Variants in IDE observed in about 807,000 individuals in gnomAD.
IDE encodes the protein insulin-degrading enzyme.
In IDE, 58 loss-of-function variants were observed where a neutral mutation model predicts 133.2. The ratio of observed to expected loss-of-function variants is 0.44; its 90% CI spans 0.35 to 0.54. The LOEUF (loss-of-function observed/expected upper bound fraction) is 0.54, where lower values mean the gene tolerates loss of function less well. Among genes scored for constraint, IDE ranks in the 20% least tolerant of loss-of-function variants. The probability of loss-of-function intolerance (pLI) is 0.00; values close to 1 mark genes in which losing one functional copy is unlikely to be tolerated. For synonymous variants in IDE, 396 were observed against 421.3 expected (o/e 0.94, Z 0.73); for missense variants, 981 against 1,234.0 (o/e 0.79, Z 3.07).
At chr10:92,461,278 T>C (rs758044157) in intron 21 of IDE, 26 bp from the exon 22 acceptor site, 1 of 1,179,052 alleles carries the variant, frequency 8.5e-7, no homozygotes, top group African/African-American at 1.5e-5. Context: ...AACAATATTT[T>C]ACTAACATTT....
chr10:92,473,755 C>T (rs180947730), intron 17 of IDE, among the ~76,000 whole-genome samples: 83 of 152,134 alleles, frequency 5.5e-4, no homozygotes, highest in African/African-American at 1.8e-3. Context: ...CCAAGGCAGG[C>T]GGATCACCGG....
chr10:92,524,544 T>TAA (rs1589474536), intron 4 of IDE, among the ~76,000 whole-genome samples: 26 of 105,684 alleles, frequency 2.5e-4, no homozygotes, highest in Admixed American at 4.9e-4. Flanking sequence ...ATATTTTATA[T>TAA]TATATATATA....
chr10:92,456,844 CAAAAAAAAAAAAAAAAA>C (rs57422406), intron 22 of IDE, among the ~76,000 whole-genome samples: 1 of 52,162 alleles, frequency 1.9e-5, no homozygotes. Context: ...GACTCTGTCT[CAAAAAAAAAAAAAAAAA>C]AAAAAAAAAA....
At chr10:92,553,353 G>A (rs769262185) in intron 1 of IDE, among the ~76,000 whole-genome samples, 1 of 151,850 alleles carries the variant, frequency 6.6e-6, no homozygotes, top group Non-Finnish European at 1.5e-5. Context: ...GAACTTGGGA[G>A]GCAGAGGTTG....
chr10:92,454,554 G>A lies in IDE; in HGVS notation c.2965-15C>T. On this transcript the variant is annotated splice_polypyrimidine_tract_variant and intron_variant, in intron 24 of 24. Transcript: ENST00000265986. ...ATCACTTCAGGCTGCAAAGAAAAAA[G>A]TTTCCTTTTAGTGTATTTAACCTAA... is the stretch of plus-strand genomic sequence containing the variant. 1 of 1,602,914 alleles carries A rather than the reference G, an allele frequency of 6.2e-7. No individual in the cohort carries two copies. Among genetic ancestry groups the A allele is most frequent in the Non-Finnish European group, 8.5e-7 (1 of 1,170,228 alleles).
intron 21 of IDE, among the ~76,000 whole-genome samples, chr10:92,461,917 G>A (rs1050853274): frequency 1.3e-5 from 2 of 151,866 alleles, no homozygotes; most frequent in African/African-American, 4.8e-5. Flanking sequence ...CTCGTGATCC[G>A]CCCGCCTCGC....
chr10:92,487,698 T>C lies in IDE; in HGVS notation c.1534-380A>G, dbSNP rs558430322. Among the ~76,000 whole-genome samples the C allele has an allele frequency of 1.2e-4, 18 of 152,318 alleles. No individual in the cohort carries two copies. The South Asian group carries it at 3.3e-3, about 28-fold the overall frequency. ...ATATATTCCCACAACTGCTAGACAA[T>C]AGGTCATTTATATAAGAGCCATACT... On this transcript the variant is annotated intron_variant, in intron 12 of 24. Transcript: ENST00000265986.
At position 92,487,144 on chromosome 10, in the gene IDE, C is replaced by T. The variant is rs1847044028; in HGVS notation, c.1656+52G>A. 3.2e-6 allele frequency: 5 copies of T among 1,541,020 alleles called. No homozygotes were observed. The South Asian group carries it at 4.8e-5, about 15-fold the overall frequency. On this transcript the variant is annotated intron_variant, in intron 13 of 24. Coordinates refer to ENST00000265986, the MANE Select transcript of IDE (RefSeq NM_004969.4). ...GTAAGAAATCATTTACCCAGTCCCC[C>T]ATGTATTAGGTCTGTCCCCCAAATT...
intron 15 of IDE, chr10:92,478,923 A>C: frequency 3.2e-6 from 1 of 313,256 alleles, no homozygotes; most frequent in Non-Finnish European, 5.1e-6. Flanking sequence ...TGCCAACCTT[A>C]GGTTTTACAA....
chr10:92,470,206 A>T (rs1190002921), intron 18 of IDE, 48 bp downstream of exon 18: 44 of 1,267,806 alleles, frequency 3.5e-5, no homozygotes, highest in Non-Finnish European at 5.0e-5. Context: ...GAGGGAAAAA[A>T]TATCTTGCAA....
chr10:92,473,566 C>G (rs1159850342), intron 17 of IDE, among the ~76,000 whole-genome samples: 1 of 151,792 alleles, frequency 6.6e-6, no homozygotes, highest in East Asian at 1.9e-4. Flanking sequence ...AAAGATGACT[C>G]TTTAGGCTTT....
At chr10:92,501,750 G>A (rs541311123) in intron 11 of IDE, among the ~76,000 whole-genome samples, 4 of 152,064 alleles carry the variant, frequency 2.6e-5, no homozygotes, top group Admixed American at 2.0e-4. Context: ...TGAGGTGGGC[G>A]GATCACCTGA....
chr10:92,563,484 G>A (rs1843377693), intron 1 of IDE, among the ~76,000 whole-genome samples: 1 of 151,884 alleles, frequency 6.6e-6, no homozygotes, highest in Admixed American at 6.6e-5. Flanking sequence ...TGGGCATGGT[G>A]GCTCAAACCT....
At chr10:92,535,832 T>A (rs971723137) in intron 2 of IDE, among the ~76,000 whole-genome samples, 2 of 152,044 alleles carry the variant, frequency 1.3e-5, no homozygotes, top group African/African-American at 4.8e-5. Flanking sequence ...GGTCGGGAGT[T>A]TGAGATCAGC....
At chr10:92,456,765 G>A (rs951988063) in intron 22 of IDE, among the ~76,000 whole-genome samples, 7 of 142,388 alleles carry the variant, frequency 4.9e-5, no homozygotes, top group Admixed American at 7.6e-5. Context: ...CCTGACACGA[G>A]GAAGCAAGTT....
At chr10:92,569,566 A>ATT (rs1843694728) in intron 1 of IDE, among the ~76,000 whole-genome samples, 1 of 152,138 alleles carries the variant, frequency 6.6e-6, no homozygotes, top group Non-Finnish European at 1.5e-5. Context: ...ACTCAGGAGG[A>ATT]TTGGGTCTTG....
chr10:92,526,845 C>CAA lies in IDE; in HGVS notation c.661+4901_661+4902dup, dbSNP rs1165598095. Among the ~76,000 whole-genome samples the CAA allele has an allele frequency of 2.2e-3, 117 of 53,974 alleles. 2 individuals carry two copies. The highest frequency in any genetic ancestry group is 4.9e-3 in the East Asian group (9 of 1,842). 35.4% of individuals were successfully genotyped at this position (53,974 alleles called of 152,430 possible). On this transcript the variant is annotated intron_variant, in intron 4 of 24. Transcript: ENST00000265986. ...TGGGCAACAGGGTGAGGCCCTGTCT[C>CAA]AAAAAAAAAAAAAAAAAAAAAAAAG...
chr10:92,562,995 A>C (rs1843348679), intron 1 of IDE, among the ~76,000 whole-genome samples: 2 of 152,200 alleles, frequency 1.3e-5, no homozygotes, highest in African/African-American at 4.8e-5. Context: ...TCACGCCTGT[A>C]ATCCCAGCAC....
intron 1 of IDE, among the ~76,000 whole-genome samples, chr10:92,542,209 C>T (rs1014908226): frequency 3.3e-5 from 5 of 152,138 alleles, no homozygotes; most frequent in African/African-American, 1.2e-4. Flanking sequence ...CACTCTGTCA[C>T]CCAGGCACAA....
Sources: gnomAD v4.1 joint callset for allele counts (sites outside exome capture counted in the v4.1 genomes callset) on GRCh38, gnomAD v4.1.1 for gene constraint, MANE v1.5 for transcripts, NCBI Gene and HGNC (gene_info 2026-07-23, HGNC 2026-07-21) for gene names.